Variants in NUTF2 observed in about 807,000 individuals in gnomAD.
NUTF2 encodes the protein placental protein 15.
A neutral mutation model predicts 18.5 loss-of-function variants in NUTF2; 3 were observed. The ratio of observed to expected loss-of-function variants is 0.16; its 90% CI spans 0.07 to 0.42. The LOEUF (loss-of-function observed/expected upper bound fraction) is 0.42, where lower values mean the gene tolerates loss of function less well. Ranked by LOEUF, NUTF2 falls within the 10% of genes least tolerant of loss-of-function variation. NUTF2 has a pLI of 0.99. For synonymous variants in NUTF2, 51 were observed against 57.9 expected (o/e 0.88, Z 0.54); for missense variants, 44 against 160.7 (o/e 0.27, Z 3.93).
chr16:67,852,081 C>G (rs899490357), intron 1 of NUTF2, among the ~76,000 whole-genome samples: 33 of 152,102 alleles, frequency 2.2e-4, no homozygotes, highest in African/African-American at 7.5e-4. Context: ...AGCACCAGCT[C>G]TGAAGCTGGA....
intron 1 of NUTF2, among the ~76,000 whole-genome samples, chr16:67,848,315 G>T (rs1295917168): frequency 6.6e-6 from 1 of 152,206 alleles, no homozygotes; most frequent in Non-Finnish European, 1.5e-5. Context: ...TGGCGCGGTG[G>T]CTCACGCCTG....
chr16:67,870,954 C>A lies in NUTF2; in HGVS notation c.*41C>A. On this transcript the variant is annotated 3_prime_UTR_variant, in exon 5 of 5. Coordinates refer to ENST00000219169, the MANE Select transcript of NUTF2 (RefSeq NM_005796.3). ...GCACTCACGCTGTTTCCTCCTCCCTCCTCTTCCCAATACTATTCCCACTCC... is the reference window on the plus strand; with the variant it reads ...GCACTCACGCTGTTTCCTCCTCCCTACTCTTCCCAATACTATTCCCACTCC... 1 of 1,398,228 alleles carries A rather than the reference C, an allele frequency of 7.2e-7. No homozygotes were observed. The highest frequency in any genetic ancestry group is 1.8e-4 in the Middle Eastern group (1 of 5,642). The allele number at this position is 1,398,228 out of a possible 1,614,324, so 86.6% of individuals were successfully genotyped here.
At chr16:67,866,305 AG>A (rs1483008693) in intron 2 of NUTF2, among the ~76,000 whole-genome samples, 2 of 148,070 alleles carry the variant, frequency 1.4e-5, no homozygotes, top group Non-Finnish European at 3.0e-5. Flanking sequence ...ATCATAGTAG[AG>A]TTTTTTTTTT....
intron 2 of NUTF2, among the ~76,000 whole-genome samples, chr16:67,867,932 C>T (rs865884683): frequency 2.0e-5 from 3 of 152,040 alleles, no homozygotes; most frequent in Non-Finnish European, 4.4e-5. Context: ...GTGATCTTCC[C>T]GCCTTGGCTT....
chr16:67,847,094 C>T (rs1043358011), intron 1 of NUTF2, 109 bp downstream of exon 1: 5 of 150,276 alleles, frequency 3.3e-5, no homozygotes, highest in South Asian at 4.2e-4. Context: ...CCCCTCCCCC[C>T]CCCCCGGCGG....
intron 2 of NUTF2, 120 bp from the exon 3 acceptor site, chr16:67,868,220 C>T: frequency 2.5e-6 from 2 of 791,378 alleles, no homozygotes; most frequent in Non-Finnish European, 2.1e-6. Context: ...CTTCTTTAGA[C>T]AGGGAAACTG....
chr16:67,862,679 AC>A (rs1365103733), intron 1 of NUTF2, among the ~76,000 whole-genome samples: 2 of 152,188 alleles, frequency 1.3e-5, no homozygotes, highest in African/African-American at 4.8e-5. Flanking sequence ...TACAGAAAAC[AC>A]AAAAAGCAGC....
At chr16:67,868,661 G>C in intron 4 of NUTF2, 62 bp downstream of exon 4, 1 of 1,464,416 alleles carries the variant, frequency 6.8e-7, no homozygotes, top group South Asian at 1.2e-5. Flanking sequence ...TTGTACCCCT[G>C]CTTTCCCTGT....
chr16:67,871,050 A>G lies in NUTF2; in HGVS notation c.*137A>G. 4.7e-6 allele frequency: 3 copies of G among 635,794 alleles called. No individual in the cohort carries two copies. In the South Asian group the frequency reaches 6.0e-5, roughly 13 times the overall value. 39.4% of individuals were successfully genotyped at this position (635,794 alleles called of 1,614,324 possible). ...GGAGTGGGCGCAGTGCGCTGCTGCC[A>G]CTGAGGTGTTGTGCATGATGTTTGG... On this transcript the variant is annotated 3_prime_UTR_variant, in exon 5 of 5. Transcript: ENST00000219169.
chr16:67,850,268 G>T (rs371185894), intron 1 of NUTF2, among the ~76,000 whole-genome samples: 17 of 148,828 alleles, frequency 1.1e-4, no homozygotes, highest in East Asian at 1.0e-3. Context: ...GCAGTGGCGC[G>T]ATCTCGGCTC....
At chr16:67,849,584 C>T (rs1437573611) in intron 1 of NUTF2, among the ~76,000 whole-genome samples, 2 of 152,140 alleles carry the variant, frequency 1.3e-5, no homozygotes, top group African/African-American at 2.4e-5. Context: ...AGGTGGTCTA[C>T]CTGCCTTGGC....
chr16:67,859,315 G>T (rs1022977867), intron 1 of NUTF2, among the ~76,000 whole-genome samples: 11 of 150,252 alleles, frequency 7.3e-5, no homozygotes, highest in African/African-American at 2.7e-4. Context: ...AAGTAGCCGG[G>T]ATTACAGGTG....
intron 1 of NUTF2, among the ~76,000 whole-genome samples, chr16:67,853,159 A>G (rs759542927): frequency 1.2e-4 from 18 of 152,170 alleles, no homozygotes; most frequent in Non-Finnish European, 1.0e-4. Flanking sequence ...CTGTAGTCCC[A>G]GCTACTTGGG....
At chr16:67,854,181 ACT>A (rs2057879547) in intron 1 of NUTF2, among the ~76,000 whole-genome samples, 1 of 151,336 alleles carries the variant, frequency 6.6e-6, no homozygotes, top group Non-Finnish European at 1.5e-5. Flanking sequence ...GATCTCTTGA[ACT>A]CTTGGTCTGC....
At chr16:67,864,249 G>A (rs944532453) in intron 1 of NUTF2, among the ~76,000 whole-genome samples, 52 of 152,302 alleles carry the variant, frequency 3.4e-4, no homozygotes, top group African/African-American at 1.0e-3. Context: ...AGTGGCTCAC[G>A]CCTGTAACCC....
chr16:67,868,053 A>G (rs986772114), intron 2 of NUTF2, among the ~76,000 whole-genome samples: 1 of 152,218 alleles, frequency 6.6e-6, no homozygotes, highest in Non-Finnish European at 1.5e-5. Context: ...GCTCAGGCCA[A>G]TATAGCCCTC....
chr16:67,864,359 A>C (rs1012024074), intron 1 of NUTF2, among the ~76,000 whole-genome samples: 1 of 152,028 alleles, frequency 6.6e-6, no homozygotes, highest in Admixed American at 6.6e-5. Context: ...AAAAATACAA[A>C]TTAGCTGGGT....
At chr16:67,864,984 C>G in intron 1 of NUTF2, 118 bp from the exon 2 acceptor site, 1 of 602,962 alleles carries the variant, frequency 1.7e-6, no homozygotes, top group Admixed American at 2.8e-5. Flanking sequence ...TCCGTGTTCT[C>G]TGAGAGAACA....
chr16:67,858,878 T>G (rs2093168168), intron 1 of NUTF2, among the ~76,000 whole-genome samples: 1 of 151,834 alleles, frequency 6.6e-6, no homozygotes, highest in East Asian at 1.9e-4. Flanking sequence ...AGGACACTTT[T>G]TTTTTTTTTT....
Sources: allele counts gnomAD v4.1 joint callset (sites outside exome capture counted in the v4.1 genomes callset), GRCh38; gene constraint gnomAD v4.1.1; transcripts MANE v1.5; gene names NCBI Gene and HGNC (gene_info 2026-07-23, HGNC 2026-07-21).